The following NPHP3 variants were observed in gnomAD, a reference collection of about 807,000 sequenced individuals.
The protein encoded by NPHP3 is nephrocystin 3.
A neutral mutation model predicts 171.9 loss-of-function variants in NPHP3; 123 were observed. That is an observed-to-expected ratio of 0.72 (90% CI 0.62 to 0.83). The LOEUF (loss-of-function observed/expected upper bound fraction) is 0.83, where lower values mean the gene tolerates loss of function less well. NPHP3 is among the 40% of genes least tolerant of loss of function. NPHP3 has a pLI of 0.00. For synonymous variants in NPHP3, 558 were observed against 579.2 expected (o/e 0.96, Z 0.52); for missense variants, 1,506 against 1,591.9 (o/e 0.95, Z 0.92).
chr3:132,708,812 T>G (rs1023827782), intron 6 of NPHP3, among the ~76,000 whole-genome samples: 2 of 152,126 alleles, frequency 1.3e-5, no homozygotes, highest in African/African-American at 4.8e-5. Context: ...CAATGAAACA[T>G]AGGAGCTAAA....
intron 1 of NPHP3, among the ~76,000 whole-genome samples, chr3:132,721,094 T>G (rs1303376588): frequency 1.3e-5 from 2 of 152,094 alleles, no homozygotes; most frequent in African/African-American, 4.8e-5. Flanking sequence ...ATTTTTGTAT[T>G]TTTAGTAGAG....
In NPHP3 at chr3:132,699,346, A is replaced by G. The variant is rs765808850; in HGVS notation, c.1985+7T>C. 3 of 1,594,024 alleles carry G rather than the reference A, an allele frequency of 1.9e-6. No homozygotes were observed. The highest frequency in any genetic ancestry group is 2.6e-6 in the Non-Finnish European group (3 of 1,162,734). ...GTACTCTGAAAGAACTAAAGTTGGCATCGTACCTCCATGCTGGAGGGCATG... is the reference window on the plus strand; with the variant it reads ...GTACTCTGAAAGAACTAAAGTTGGCGTCGTACCTCCATGCTGGAGGGCATG... On this transcript the variant is annotated splice_region_variant and intron_variant, in intron 13 of 26. Transcript: ENST00000337331.
chr3:132,681,387 C>G lies in NPHP3; in HGVS notation c.*523G>C, dbSNP rs1485549708. The G allele has an allele frequency of 6.2e-6, 1 of 162,548 alleles. No homozygotes were observed. The highest frequency in any genetic ancestry group is 1.3e-5 in the Non-Finnish European group (1 of 74,830). 10.1% of individuals were successfully genotyped at this position (162,548 alleles called of 1,614,324 possible). A position where few individuals can be genotyped will look rare whatever the true frequency, so the allele number is the denominator to read the frequency against. Reference sequence around the variant, plus strand: ...CAAGCGATTCTCATGCCTCAGCCTCCTGAGTAGCTAGGATTACAGGCATGC... The same window carrying G: ...CAAGCGATTCTCATGCCTCAGCCTCGTGAGTAGCTAGGATTACAGGCATGC... On this transcript the variant is annotated 3_prime_UTR_variant, in exon 27 of 27. Coordinates refer to ENST00000337331, the MANE Select transcript of NPHP3 (RefSeq NM_153240.5).
At chr3:132,697,888 C>A (rs1939497399) in intron 13 of NPHP3, among the ~76,000 whole-genome samples, 1 of 151,958 alleles carries the variant, frequency 6.6e-6, no homozygotes, top group East Asian at 1.9e-4. Flanking sequence ...ATTAAAATTT[C>A]TTGGGGGAGG....
At chr3:132,710,478 G>T (rs1022321671) in intron 6 of NPHP3, among the ~76,000 whole-genome samples, 2 of 152,034 alleles carry the variant, frequency 1.3e-5, no homozygotes, top group Admixed American at 1.3e-4. Flanking sequence ...AGGAAAACCA[G>T]TCACAGTCGC....
At position 132,701,507 on chromosome 3, in the gene NPHP3, C is replaced by CACT; in HGVS notation, c.1548_1550dup (p.Val517dup). On this transcript the variant is annotated inframe_insertion, in exon 10 of 27. Coordinates refer to ENST00000337331, the MANE Select transcript of NPHP3 (RefSeq NM_153240.5). ...GAGGTGGAATCGGGGCTGGTGCTGC[C>CACT]ACTAGATCATTAAGGCGTTGGTAAT... 6.2e-7 allele frequency: 1 copy of CACT among 1,613,246 alleles called. No individual in the cohort carries two copies. The highest frequency in any genetic ancestry group is 8.5e-7 in the Non-Finnish European group (1 of 1,179,434).
In NPHP3 at chr3:132,719,843, A is replaced by G; in HGVS notation, c.394-13T>C. 6.4e-7 allele frequency: 1 copy of G among 1,559,546 alleles called. No individual in the cohort carries two copies. The highest frequency in any genetic ancestry group is 1.7e-5 in the Admixed American group (1 of 57,974). ...TTTTTTGAAGTGCCTAGAATAATTTACCTTGTTATTTCCTAACAAAAATAG... is the reference window on the plus strand; with the variant it reads ...TTTTTTGAAGTGCCTAGAATAATTTGCCTTGTTATTTCCTAACAAAAATAG... On this transcript the variant is annotated splice_polypyrimidine_tract_variant and intron_variant, in intron 1 of 26. Coordinates refer to ENST00000337331, the MANE Select transcript of NPHP3 (RefSeq NM_153240.5).
At position 132,705,784 on chromosome 3, in the gene NPHP3, C is replaced by A. The variant is rs1248584127; in HGVS notation, c.1306G>T (p.Gly436Ter). The A allele has an allele frequency of 6.6e-7, 1 of 1,510,124 alleles. No homozygotes were observed. Among genetic ancestry groups the A allele is most frequent in the Non-Finnish European group, 9.2e-7 (1 of 1,086,770 alleles). 93.5% of individuals were successfully genotyped at this position (1,510,124 alleles called of 1,614,324 possible). Residue 436 changes from glycine to a stop codon, truncating the protein, a stop_gained, in exon 8 of 27, where the codon GGA (glycine) becomes TGA (stop). Transcript: ENST00000337331. LOFTEE classifies it high-confidence loss of function. ...IIDHSGDPAE[G>*]VYKTYICVEK... Reference sequence around the variant, plus strand: ...ACACAAATATAAGTTTTATATACTCCTTCTGCAGGATCTCCTGAGTGATCA... The same window carrying A: ...ACACAAATATAAGTTTTATATACTCATTCTGCAGGATCTCCTGAGTGATCA...
At position 132,692,771 on chromosome 3, in the gene NPHP3, T is replaced by C. The variant is rs1939332803; in HGVS notation, c.2358A>G (p.Glu786=). ...ACATCTCAGGATAGAGTTCCATCAG[T>C]TCTGATTCACTCACACCATTGTGAC... is the stretch of plus-strand genomic sequence containing the variant. The part of the protein sequence containing the change: ...NVSHNGVSES[E]LMELYPEMSW... Residue 786 remains glutamate (E), a synonymous_variant, in exon 17 of 27, where the codon GAA becomes GAG. Transcript: ENST00000337331. 6.2e-7 allele frequency: 1 copy of C among 1,613,918 alleles called. No individual in the cohort carries two copies. Among genetic ancestry groups the C allele is most frequent in the Non-Finnish European group, 8.5e-7 (1 of 1,179,914 alleles).
At chr3:132,694,730 T>G (rs999337970) in intron 16 of NPHP3, 97 bp downstream of exon 16, 46 of 1,450,372 alleles carry the variant, frequency 3.2e-5, no homozygotes, top group Non-Finnish European at 3.9e-5. Flanking sequence ...GCCTGAAACA[T>G]ATTTAAGCAC....
chr3:132,708,659 G>A (rs922633077), intron 6 of NPHP3, among the ~76,000 whole-genome samples: 1 of 152,076 alleles, frequency 6.6e-6, no homozygotes, highest in Non-Finnish European at 1.5e-5. Flanking sequence ...AACACAAGTA[G>A]GCAGGAGGTC....
Position 132,701,291 on chromosome 3 carries a change from G to T in NPHP3, c.1628+139C>A. Reference sequence around the variant, plus strand: ...CCAAATTCTATGCATTTCAGGGCATGAACCTATTGTTTTATTCCTTTTTAC... The same window carrying T: ...CCAAATTCTATGCATTTCAGGGCATTAACCTATTGTTTTATTCCTTTTTAC... On this transcript the variant is annotated intron_variant, in intron 10 of 26. Transcript: ENST00000337331. 3 of 653,082 alleles carry T rather than the reference G, an allele frequency of 4.6e-6. No individual in the cohort carries two copies. The East Asian group carries it at 8.7e-5, about 19-fold the overall frequency. The allele number at this position is 653,082 out of a possible 1,614,324, so 40.5% of individuals were successfully genotyped here. A position where few individuals can be genotyped will look rare whatever the true frequency, so the allele number is the denominator to read the frequency against.
In NPHP3 at chr3:132,692,730, G is replaced by A. The variant is rs1459360495; in HGVS notation, c.2399C>T (p.Thr800Ile). 6.2e-7 allele frequency: 1 copy of A among 1,613,792 alleles called. No homozygotes were observed. Among genetic ancestry groups the A allele is most frequent in the Non-Finnish European group, 8.5e-7 (1 of 1,179,834 alleles). ...TTTGTATAAACTGTGAATAAGGGAG[G>A]TCAAGAAAGTCCAGGACATCTCAGG... ...LYPEMSWTFL[T>I]SLIHSLYKMC... Residue 800 changes from threonine (T) to isoleucine (I), a missense_variant, in exon 17 of 27, where the codon ACC becomes ATC. Transcript: ENST00000337331.
At chr3:132,706,144 A>G (rs112865549) in intron 7 of NPHP3, among the ~76,000 whole-genome samples, 8,284 of 152,016 alleles carry the variant, frequency 0.054, 325 homozygotes, top group African/African-American at 0.12. Context: ...CGGTTCACGA[A>G]GTCAGGAGAT....
rs746585006 is a variant in NPHP3, at chr3:132,697,368, A to T, written c.1986-6T>A. 3.8e-6 allele frequency: 6 copies of T among 1,579,846 alleles called. No individual in the cohort carries two copies. The highest frequency in any genetic ancestry group is 5.2e-6 in the Non-Finnish European group (6 of 1,152,234). ...GATGAAGTGTAGGCCACAACCTTTT[A>T]TGTAAAGAAAAGAAAAATGAAATTT... On this transcript the variant is annotated splice_region_variant and splice_polypyrimidine_tract_variant and intron_variant, in intron 13 of 26. Coordinates refer to ENST00000337331, the MANE Select transcript of NPHP3 (RefSeq NM_153240.5).
intron 1 of NPHP3, 181 bp downstream of exon 1, chr3:132,721,782 C>T (rs1940228546): frequency 1.2e-6 from 1 of 860,138 alleles, no homozygotes; most frequent in African/African-American, 1.7e-5. Flanking sequence ...ACCCTGTCTC[C>T]AAAAAAAGAG....
chr3:132,682,140 C>G, intron 26 of NPHP3, 50 bp from the exon 27 acceptor site: 1 of 1,519,588 alleles, frequency 6.6e-7, no homozygotes, highest in Non-Finnish European at 9.1e-7. Context: ...AACCTCTTAC[C>G]AATTCAAAAT....
At chr3:132,697,754 A>G (rs1294272932) in intron 13 of NPHP3, among the ~76,000 whole-genome samples, 1 of 152,224 alleles carries the variant, frequency 6.6e-6, no homozygotes, top group East Asian at 1.9e-4. Flanking sequence ...TACAATATAC[A>G]TTCTTGATAT....
In NPHP3 at chr3:132,689,016, A is replaced by C. The variant is rs2107967882; in HGVS notation, c.2883+58T>G. 11 of 1,611,990 alleles carry C rather than the reference A, an allele frequency of 6.8e-6. No individual in the cohort carries two copies. The South Asian group carries it at 1.2e-4, about 18-fold the overall frequency. On this transcript the variant is annotated intron_variant, in intron 20 of 26. Transcript: ENST00000337331. ...CCACATTAACATCTTGGAAAAAGAG[A>C]AGAGTGAACACAAAAATCCCACCTG...
Sources: allele counts gnomAD v4.1 joint callset (sites outside exome capture counted in the v4.1 genomes callset), GRCh38; gene constraint gnomAD v4.1.1; transcripts MANE v1.5; gene names NCBI Gene and HGNC (gene_info 2026-07-23, HGNC 2026-07-21).